SFSWAP: variants seen among roughly 807,000 people sequenced by gnomAD.
SFSWAP encodes splicing factor SWAP.
Under a neutral mutation model 100.7 loss-of-function variants are expected in SFSWAP, and 17 were observed. The ratio of observed to expected loss-of-function variants is 0.17; its 90% CI spans 0.12 to 0.25. SFSWAP has a LOEUF of 0.25. Ranked by LOEUF, SFSWAP falls within the 10% of genes least tolerant of loss-of-function variation. The pLI, the probability that SFSWAP is intolerant of heterozygous loss-of-function variation, is 1.00. For missense variants in SFSWAP, 1,005 were observed against 1,262.6 expected (o/e 0.80, Z 3.09); for synonymous variants, 504 against 510.1 (o/e 0.99, Z 0.16).
chr12:131,715,045 T>G, intron 3 of SFSWAP, 92 bp downstream of exon 3: 1 of 1,311,008 alleles, frequency 7.6e-7, no homozygotes, highest in Non-Finnish European at 1.1e-6. Flanking sequence ...AACACATCTC[T>G]GGCACTCATG....
intron 7 of SFSWAP, among the ~76,000 whole-genome samples, chr12:131,744,901 G>A (rs1880974524): frequency 1.3e-5 from 2 of 152,226 alleles, no homozygotes; most frequent in South Asian, 4.1e-4. Context: ...GCTGTACAGA[G>A]AAGCTCCTGT....
rs1373726804 is a variant in SFSWAP at position 131,734,377 on chromosome 12, T to C, written c.1081+5949T>C. Among the ~76,000 whole-genome samples, 2 of 152,196 alleles carry C rather than the reference T, an allele frequency of 1.3e-5. No individual in the cohort carries two copies. Among genetic ancestry groups the C allele is most frequent in the Non-Finnish European group, 1.5e-5 (1 of 68,036 alleles). The stretch of plus-strand genomic sequence containing the variant: ...CTTACCCAAGAGGACTTAAAATGAA[T>C]GTGCAGGAGAAATGAGAAGAGGACT... On this transcript the variant is annotated intron_variant, in intron 7 of 17. Coordinates refer to ENST00000261674, the MANE Select transcript of SFSWAP (RefSeq NM_004592.4). The surrounding 1 kb of genome is among the most constrained non-coding windows in gnomAD (Gnocchi z 4.9).
chr12:131,724,593 A>C (rs540153539), intron 4 of SFSWAP, among the ~76,000 whole-genome samples: 56 of 152,374 alleles, frequency 3.7e-4, no homozygotes, highest in Non-Finnish European at 7.1e-4. Context: ...TCCTAGTGTT[A>C]ATCTCTTTGT....
chr12:131,734,197 CG>C lies in SFSWAP; in HGVS notation c.1081+5770del, dbSNP rs1251853950. ...GTTCATCGCTGGCTCCTGCCGCCCT[CG>C]AGGACTTGAAGGCTGACGTTGGGCT... On this transcript the variant is annotated intron_variant, in intron 7 of 17. Transcript: ENST00000261674. The surrounding 1 kb of genome is among the most constrained non-coding windows in gnomAD (Gnocchi z 4.9). 1.3e-5 allele frequency among the ~76,000 whole-genome samples: 2 copies of C among 152,206 alleles called. No individual in the cohort carries two copies. Among genetic ancestry groups the C allele is most frequent in the African/African-American group, 4.8e-5 (2 of 41,462 alleles).
intron 14 of SFSWAP, chr12:131,785,180 G>A: frequency 6.5e-7 from 1 of 1,535,554 alleles, no homozygotes; most frequent in Non-Finnish European, 8.7e-7. Context: ...ACCACCACCA[G>A]ATTTGACTCC....
At chr12:131,732,611 G>A (rs777245198) in intron 7 of SFSWAP, among the ~76,000 whole-genome samples, 1 of 152,182 alleles carries the variant, frequency 6.6e-6, no homozygotes, top group African/African-American at 2.4e-5. Flanking sequence ...CTTGCTCCTC[G>A]TCTCCGCCTA....
intron 15 of SFSWAP, among the ~76,000 whole-genome samples, chr12:131,792,145 G>C (rs1384435188): frequency 7.7e-6 from 1 of 130,060 alleles, no homozygotes; most frequent in Non-Finnish European, 1.6e-5. Flanking sequence ...GTGTGTTCAC[G>C]GATCGTTACT....
chr12:131,753,195 C>A lies in SFSWAP; in HGVS notation c.1154C>A (p.Pro385His). 6.2e-7 allele frequency: 1 copy of A among 1,614,194 alleles called. No individual in the cohort carries two copies. Among genetic ancestry groups the A allele is most frequent in the Non-Finnish European group, 8.5e-7 (1 of 1,180,024 alleles). ...DGTYCLAPPP[P>H]GIDVTTYYST... ...ACTTACTGCCTGGCGCCGCCCCCTCCCGGAATCGACGTGACTACTTACTAC... is the reference window on the plus strand; with the variant it reads ...ACTTACTGCCTGGCGCCGCCCCCTCACGGAATCGACGTGACTACTTACTAC... Residue 385 changes from proline to histidine, a missense_variant, in exon 8 of 18, where the codon CCC (proline) becomes CAC (histidine). Physicochemically the swap from Pro to His is moderately conservative, Grantham distance 77 (BLOSUM62 -2). This residue lies in a region of SFSWAP where 311 missense variants were observed against 317.8 expected (regional missense o/e 0.98). Transcript: ENST00000261674.
chr12:131,754,823 G>C (rs1882011705), intron 9 of SFSWAP, among the ~76,000 whole-genome samples: 1 of 151,822 alleles, frequency 6.6e-6, no homozygotes, highest in African/African-American at 2.4e-5. Context: ...GGTAGAGACA[G>C]GGTTTCACTG....
intron 11 of SFSWAP, among the ~76,000 whole-genome samples, chr12:131,764,178 G>A (rs189462646): frequency 5.3e-5 from 8 of 152,302 alleles, no homozygotes; most frequent in Non-Finnish European, 8.8e-5. Context: ...AATTGCAGGT[G>A]ACTGCCCTGG....
chr12:131,777,983 G>A, intron 13 of SFSWAP, 82 bp from the exon 14 acceptor site: 1 of 1,532,238 alleles, frequency 6.5e-7, no homozygotes, highest in African/African-American at 1.4e-5. Context: ...GGTGTGAGGG[G>A]CCCAAAGTTG....
At position 131,728,425 on chromosome 12, in the gene SFSWAP, G is replaced by T. The variant is rs1280338385; in HGVS notation, c.1078G>T (p.Asp360Tyr). ...GCCCTCCCAGGTGGAGTACACGGCAGACTGTGAGTACTCACTGTGTATGTC... is the reference window on the plus strand; with the variant it reads ...GCCCTCCCAGGTGGAGTACACGGCATACTGTGAGTACTCACTGTGTATGTC... ...VQPSQVEYTA[D>Y]STVAAMYYSY... The change falls in exon 7 of 18, where the codon GAC becomes TAC. Residue 360 changes from aspartate (D) to tyrosine (Y), a missense_variant. By Grantham distance (160) the Asp-to-Tyr change is radical. This residue lies in a region of SFSWAP where 311 missense variants were observed against 317.8 expected (regional missense o/e 0.98). Coordinates refer to ENST00000261674, the MANE Select transcript of SFSWAP (RefSeq NM_004592.4). 6.2e-7 allele frequency: 1 copy of T among 1,614,112 alleles called. No homozygotes were observed. Among genetic ancestry groups the T allele is most frequent in the South Asian group, 1.1e-5 (1 of 91,062 alleles).
intron 3 of SFSWAP, among the ~76,000 whole-genome samples, chr12:131,717,517 A>G (rs766806277): frequency 6.6e-6 from 1 of 152,034 alleles, no homozygotes; most frequent in Non-Finnish European, 1.5e-5. Context: ...GTTGGTTTTT[A>G]TTTTGTGCTA....
chr12:131,775,006 C>T (rs1258093318), intron 13 of SFSWAP, among the ~76,000 whole-genome samples: 1 of 152,192 alleles, frequency 6.6e-6, no homozygotes, highest in African/African-American at 2.4e-5. Flanking sequence ...TGACTCCTCG[C>T]ACTCCTGTTT....
At chr12:131,757,338 T>C in intron 11 of SFSWAP, 1 of 152,420 alleles carries the variant, frequency 6.6e-6, no homozygotes, top group Non-Finnish European at 1.5e-5. Context: ...TGAGATGCGG[T>C]AGGTGGTCAG....
Position 131,799,028 on chromosome 12 carries a change from C to T in SFSWAP, c.2718-9C>T. On this transcript the variant is annotated splice_polypyrimidine_tract_variant and intron_variant, in intron 16 of 17. Coordinates refer to ENST00000261674, the MANE Select transcript of SFSWAP (RefSeq NM_004592.4). The stretch of plus-strand genomic sequence containing the variant: ...GTTGTAAGCTCTGCTCTCTCTCTCT[C>T]TGCATTAGGGGAGTCTCTCAGGAAA... 2 of 1,605,224 alleles carry T rather than the reference C, an allele frequency of 1.2e-6. No homozygotes were observed. The highest frequency in any genetic ancestry group is 1.7e-6 in the Non-Finnish European group (2 of 1,171,844).
chr12:131,765,293 A>C (rs1258457297), intron 12 of SFSWAP, among the ~76,000 whole-genome samples: 1 of 152,224 alleles, frequency 6.6e-6, no homozygotes, highest in African/African-American at 2.4e-5. Context: ...ATCTATTCTA[A>C]CTGATTTTCT....
At chr12:131,784,185 C>T (rs1884727799) in intron 14 of SFSWAP, 1 of 152,162 alleles carries the variant, frequency 6.6e-6, no homozygotes, top group Non-Finnish European at 1.5e-5. Context: ...GGTGTCTGCA[C>T]TGAGCAGTCC....
chr12:131,756,948 CTATT>C (rs761992977), intron 11 of SFSWAP: 70 of 277,464 alleles, frequency 2.5e-4, no homozygotes, highest in Non-Finnish European at 4.3e-4. Flanking sequence ...ACTTCTGAAA[CTATT>C]TATATGCAAA....
Sources: gnomAD v4.1 joint callset for allele counts (sites outside exome capture counted in the v4.1 genomes callset) on GRCh38, gnomAD v4.1.1 for gene constraint, gnomAD v4.1.1 regional missense constraint, Gnocchi (gnomAD v3.1) non-coding constraint, MANE v1.5 for transcripts, NCBI Gene and HGNC (gene_info 2026-07-23, HGNC 2026-07-21) for gene names.